The following GRIP1 variants were observed in gnomAD, a reference collection of about 807,000 sequenced individuals.
GRIP1 encodes the protein glutamate receptor interacting protein 1.
GRIP1 carries 45 observed loss-of-function variants against 129.9 expected under a neutral mutation model. That is an observed-to-expected ratio of 0.35 (90% CI 0.27 to 0.44). GRIP1 has a LOEUF of 0.44. Among genes scored for constraint, GRIP1 ranks in the 20% least tolerant of loss-of-function variants. GRIP1 has a pLI of 1.00. For missense variants in GRIP1, 1,196 were observed against 1,396.8 expected, an observed-to-expected ratio of 0.86 and a Z score of 2.29; for synonymous variants, 530 against 520.8, an observed-to-expected ratio of 1.02 and a Z score of -0.24.
intron 1 of GRIP1, among the ~76,000 whole-genome samples, chr12:66,614,059 C>G (rs2064930212): frequency 1.3e-5 from 2 of 152,214 alleles, no homozygotes; most frequent in South Asian, 4.1e-4. Context: ...CCTCACTGAC[C>G]ACACCTTCTC....
At chr12:66,939,375 T>G (rs2041546534) in intron 1 of GRIP1, among the ~76,000 whole-genome samples, 1 of 152,054 alleles carries the variant, frequency 6.6e-6, no homozygotes, top group African/African-American at 2.4e-5. Context: ...TCAACAAACA[T>G]TTATTAGAGA....
intron 1 of GRIP1, among the ~76,000 whole-genome samples, chr12:66,723,420 C>T (rs1249139833): frequency 2.0e-5 from 3 of 148,740 alleles, no homozygotes. Context: ...TCAAGCAATT[C>T]TCCTGCCTCA....
intron 1 of GRIP1, chr12:66,803,916 G>A (rs2038926874): frequency 6.2e-6 from 2 of 321,964 alleles, no homozygotes; most frequent in Non-Finnish European, 1.3e-5. Context: ...GCAAAACATA[G>A]CACTTCAGTA....
At chr12:66,579,430 GAGA>G (rs2063282912) in intron 2 of GRIP1, among the ~76,000 whole-genome samples, 1 of 152,196 alleles carries the variant, frequency 6.6e-6, no homozygotes, top group Non-Finnish European at 1.5e-5. Context: ...GACAAGTTGA[GAGA>G]AGAAGGCTTC....
chr12:66,356,070 A>T (rs2054476293), intron 23 of GRIP1, among the ~76,000 whole-genome samples: 1 of 152,162 alleles, frequency 6.6e-6, no homozygotes, highest in South Asian at 2.1e-4. Context: ...GAGGGAGGGC[A>T]CTTCTGGTAC....
intron 23 of GRIP1, among the ~76,000 whole-genome samples, chr12:66,369,216 G>C (rs983808497): frequency 1.3e-5 from 2 of 152,094 alleles, no homozygotes; most frequent in Non-Finnish European, 2.9e-5. Flanking sequence ...TTTGGCTCAT[G>C]CGTGTCTGTG....
At chr12:66,916,468 T>A (rs2041123985) in intron 1 of GRIP1, among the ~76,000 whole-genome samples, 1 of 152,188 alleles carries the variant, frequency 6.6e-6, no homozygotes, top group African/African-American at 2.4e-5. Flanking sequence ...GACAACAGTC[T>A]CAGCACTTCG....
intron 1 of GRIP1, among the ~76,000 whole-genome samples, chr12:66,752,964 T>C (rs1013528643): frequency 5.9e-5 from 9 of 152,186 alleles, no homozygotes; most frequent in Non-Finnish European, 1.2e-4. Context: ...TGGAGAACTA[T>C]AGCTCAAACG....
At chr12:66,950,177 T>A (rs914322618) in intron 1 of GRIP1, among the ~76,000 whole-genome samples, 17 of 152,188 alleles carry the variant, frequency 1.1e-4, no homozygotes, top group African/African-American at 3.9e-4. Flanking sequence ...ACTTATAGAC[T>A]GAAAGCCAAA....
intron 1 of GRIP1, among the ~76,000 whole-genome samples, chr12:67,024,324 A>G (rs774387): frequency 0.33 from 50,666 of 152,062 alleles, 8,788 homozygotes; most frequent in East Asian, 0.58. Flanking sequence ...TAGGAAGAAC[A>G]CAGGCAAGGA....
intron 14 of GRIP1, 132 bp downstream of exon 14, chr12:66,432,416 C>A: frequency 3.2e-6 from 2 of 626,582 alleles, no homozygotes; most frequent in East Asian, 2.8e-5. Context: ...GTGTGACTGA[C>A]TCCACATTTT....
chr12:66,430,963 A>C (rs2058129771), intron 14 of GRIP1, among the ~76,000 whole-genome samples: 1 of 152,158 alleles, frequency 6.6e-6, no homozygotes, highest in South Asian at 2.1e-4. Context: ...AAAGAATGGA[A>C]GTGGGGGCAG....
chr12:66,495,764 CA>C (rs2060222228), intron 7 of GRIP1, among the ~76,000 whole-genome samples: 1 of 152,152 alleles, frequency 6.6e-6, no homozygotes, highest in Non-Finnish European at 1.5e-5. Context: ...GCGAATGTAC[CA>C]CTCAGCACGA....
chr12:66,661,999 C>T (rs897520759), intron 1 of GRIP1, among the ~76,000 whole-genome samples: 47 of 152,118 alleles, frequency 3.1e-4, no homozygotes, highest in African/African-American at 9.7e-4. Flanking sequence ...CATTCCCACC[C>T]TGGGTTCAGT....
At chr12:66,710,146 T>A (rs993801721) in intron 1 of GRIP1, among the ~76,000 whole-genome samples, 1 of 151,940 alleles carries the variant, frequency 6.6e-6, no homozygotes, top group African/African-American at 2.4e-5. Context: ...GGAGCTACTA[T>A]GAGTAACCCA....
rs1327379184 is a variant in GRIP1 at position 66,580,363 on chromosome 12, C to A, written c.136+16484G>T. ...AACTGCATCAACTAACGAGCAAAAT[C>A]ACCAGCTAACATCATCATGACAGGA... On this transcript the variant is annotated intron_variant, in intron 2 of 24. Coordinates refer to ENST00000359742, the MANE Select transcript of GRIP1 (RefSeq NM_001366722.1). Among the ~76,000 whole-genome samples, 12 of 149,140 alleles carry A rather than the reference C, an allele frequency of 8.0e-5. No homozygotes were observed. The South Asian group carries it at 2.6e-3, about 32-fold the overall frequency.
At chr12:66,509,815 G>A (rs1179445292) in intron 7 of GRIP1, among the ~76,000 whole-genome samples, 3 of 152,106 alleles carry the variant, frequency 2.0e-5, no homozygotes, top group Non-Finnish European at 4.4e-5. Context: ...GGGGAAGGGA[G>A]AGCATCAGGA....
intron 13 of GRIP1, among the ~76,000 whole-genome samples, chr12:66,437,859 T>A (rs1298300773): frequency 6.6e-6 from 1 of 152,222 alleles, no homozygotes; most frequent in Admixed American, 6.5e-5. Context: ...TTCATCCTGG[T>A]AACATCTCTT....
At chr12:66,896,941 C>G (rs535864084) in intron 1 of GRIP1, among the ~76,000 whole-genome samples, 2 of 152,162 alleles carry the variant, frequency 1.3e-5, no homozygotes, top group Non-Finnish European at 2.9e-5. Context: ...AGACCTGTTC[C>G]GAAGGCAACA....
Sources: gnomAD v4.1 joint callset for allele counts (sites outside exome capture counted in the v4.1 genomes callset) on GRCh38, gnomAD v4.1.1 for gene constraint, MANE v1.5 for transcripts, NCBI Gene and HGNC (gene_info 2026-07-23, HGNC 2026-07-21) for gene names.